The following MTOR variants were observed in gnomAD, a reference collection of about 807,000 sequenced individuals.
The protein encoded by MTOR is mechanistic target of rapamycin kinase.
MTOR carries 70 observed loss-of-function variants against 319.8 expected under a neutral mutation model. The observed-to-expected ratio is 0.22, with a 90% confidence interval of 0.18 to 0.27. The LOEUF is 0.27. MTOR is among the 10% of genes least tolerant of loss of function. MTOR has a pLI of 1.00. For missense variants in MTOR, 1,890 were observed against 3,274.4 expected, an observed-to-expected ratio of 0.58 and a Z score of 10.32; for synonymous variants, 1,183 against 1,211.4, an observed-to-expected ratio of 0.98 and a Z score of 0.49.
intron 28 of MTOR, among the ~76,000 whole-genome samples, chr1:11,169,490 G>A (rs1644745374): frequency 6.6e-6 from 1 of 152,214 alleles, no homozygotes. Flanking sequence ...GGAGTCAGAA[G>A]ATGGGGTTTT....
chr1:11,235,026 T>C (rs549150153), intron 13 of MTOR, among the ~76,000 whole-genome samples: 1 of 152,324 alleles, frequency 6.6e-6, no homozygotes, highest in South Asian at 2.1e-4. Context: ...AATTTAACAT[T>C]ACATTTTGTC....
intron 19 of MTOR, among the ~76,000 whole-genome samples, chr1:11,223,354 T>C (rs1307236820): frequency 4.6e-5 from 7 of 152,152 alleles, no homozygotes; most frequent in Admixed American, 2.6e-4. Flanking sequence ...AAGAAATGAT[T>C]GTTAGCTTTG....
chr1:11,110,913 T>C (rs1475433655), intron 54 of MTOR, among the ~76,000 whole-genome samples: 1 of 152,138 alleles, frequency 6.6e-6, no homozygotes, highest in East Asian at 1.9e-4. Context: ...AGTTCCCTTC[T>C]GTATGCTACA....
At position 11,192,680 on chromosome 1, in the gene MTOR, G is replaced by A. The variant is rs568962844; in HGVS notation, c.4253+6578C>T. Among the ~76,000 whole-genome samples, 3 of 150,416 alleles carry A rather than the reference G, an allele frequency of 2.0e-5. No homozygotes were observed. In the South Asian group the frequency reaches 6.3e-4, roughly 32 times the overall value. On this transcript the variant is annotated intron_variant, in intron 28 of 57. Transcript: ENST00000361445. ...GGATTGCTTGAACTCAGGAGGCAGA[G>A]GTTGCAGTGAGCCGAGATCACGCCA...
In MTOR at chr1:11,107,324, G is replaced by A. The variant is rs1641626424; in HGVS notation, c.*161C>T. ...TATATTCTTCAACAGCAGCTAGAAAGTTGGTTCAAACCAACTTTTAATATA... is the reference window on the plus strand; with the variant it reads ...TATATTCTTCAACAGCAGCTAGAAAATTGGTTCAAACCAACTTTTAATATA... On this transcript the variant is annotated 3_prime_UTR_variant, in exon 58 of 58. Coordinates refer to ENST00000361445, the MANE Select transcript of MTOR (RefSeq NM_004958.4). 1.0e-5 allele frequency: 15 copies of A among 1,504,426 alleles called. No individual in the cohort carries two copies. Among genetic ancestry groups the A allele is most frequent in the Non-Finnish European group, 1.3e-5 (15 of 1,130,036 alleles). 93.2% of individuals were successfully genotyped at this position (1,504,426 alleles called of 1,614,324 possible).
chr1:11,230,340 A>G (rs1646975976), intron 18 of MTOR, among the ~76,000 whole-genome samples: 1 of 152,134 alleles, frequency 6.6e-6, no homozygotes, highest in Admixed American at 6.6e-5. Context: ...GAATTGCTTG[A>G]ACTCGGGAGG....
At chr1:11,144,859 G>C in intron 33 of MTOR, 104 bp from the exon 34 acceptor site, 3 of 1,508,442 alleles carry the variant, frequency 2.0e-6, no homozygotes, top group Admixed American at 1.7e-5. Context: ...CTGCCGATCA[G>C]AGAAAACAGG....
chr1:11,228,227 C>T (rs941636806), intron 19 of MTOR, among the ~76,000 whole-genome samples: 2 of 151,734 alleles, frequency 1.3e-5, no homozygotes, highest in African/African-American at 2.4e-5. Context: ...CTCACTCTGT[C>T]GTCCAAGCTG....
intron 36 of MTOR, among the ~76,000 whole-genome samples, chr1:11,138,044 G>A (rs1316830349): frequency 6.6e-6 from 1 of 152,152 alleles, no homozygotes; most frequent in East Asian, 1.9e-4. Context: ...ACAGAATTTG[G>A]GCTACTAAGA....
chr1:11,224,705 A>G (rs1646775127), intron 19 of MTOR, among the ~76,000 whole-genome samples: 2 of 152,224 alleles, frequency 1.3e-5, no homozygotes, highest in South Asian at 4.1e-4. Flanking sequence ...AAAGAATCAT[A>G]AACACAATGC....
intron 26 of MTOR, among the ~76,000 whole-genome samples, chr1:11,202,785 G>A (rs1248654851): frequency 1.3e-5 from 2 of 152,094 alleles, no homozygotes; most frequent in African/African-American, 2.4e-5. Flanking sequence ...GTGCGTGTCT[G>A]CAGTCCCAGC....
At chr1:11,159,946 T>C (rs1644423519) in intron 29 of MTOR, among the ~76,000 whole-genome samples, 1 of 152,126 alleles carries the variant, frequency 6.6e-6, no homozygotes, top group South Asian at 2.1e-4. Context: ...GTTATCAAAA[T>C]GCCCTGCCAA....
At chr1:11,122,255 G>T in intron 47 of MTOR, 129 bp from the exon 48 acceptor site, 1 of 1,135,352 alleles carries the variant, frequency 8.8e-7, no homozygotes, top group Non-Finnish European at 1.2e-6. Context: ...CCAGGCTGGA[G>T]TGCAGTGGCA....
Position 11,133,537 on chromosome 1 carries a change from G to A in MTOR, c.5247-340C>T, listed in dbSNP as rs1277048190. Among the ~76,000 whole-genome samples, 1 of 152,044 alleles carries A rather than the reference G, an allele frequency of 6.6e-6. No homozygotes were observed. The highest frequency in any genetic ancestry group is 1.9e-4 in the East Asian group (1 of 5,186). ...TTACTTCTTTATTGATTGCTATATG[G>A]CTTCTCCCTTACTTTTCCCTTTGCC... On this transcript the variant is annotated intron_variant, in intron 37 of 57. Transcript: ENST00000361445. The surrounding 1 kb of genome is among the most constrained non-coding windows in gnomAD (Gnocchi z 4.0).
intron 19 of MTOR, among the ~76,000 whole-genome samples, chr1:11,225,154 T>TA (rs1646788826): frequency 6.6e-6 from 1 of 152,162 alleles, no homozygotes; most frequent in Non-Finnish European, 1.5e-5. Context: ...GTAAATATAT[T>TA]AAAAATCAAT....
At chr1:11,220,029 C>T (rs1409274035) in intron 19 of MTOR, among the ~76,000 whole-genome samples, 4 of 71,432 alleles carry the variant, frequency 5.6e-5, no homozygotes, top group Non-Finnish European at 1.0e-4. Flanking sequence ...GAGACTTGAT[C>T]TCAAAAAAAA....
chr1:11,193,721 G>A (rs376924013), intron 28 of MTOR: 139 of 1,614,148 alleles, frequency 8.6e-5, no homozygotes, highest in Middle Eastern at 3.3e-4. Context: ...GCTGGGGAAC[G>A]AACACATCCA....
At chr1:11,259,570 T>C in intron 1 of MTOR, 147 bp from the exon 2 acceptor site, 1 of 851,356 alleles carries the variant, frequency 1.2e-6, no homozygotes, top group Non-Finnish European at 1.7e-6. Flanking sequence ...TTGAGGAACA[T>C]TTAGAAAGCC....
At chr1:11,123,367 C>T (rs1642642551) in intron 47 of MTOR, among the ~76,000 whole-genome samples, 1 of 151,682 alleles carries the variant, frequency 6.6e-6, no homozygotes, top group Admixed American at 6.6e-5. Context: ...AGTGATTCTC[C>T]TGCCTCAGCC....
Sources: gnomAD v4.1 joint callset for allele counts (sites outside exome capture counted in the v4.1 genomes callset) on GRCh38, gnomAD v4.1.1 for gene constraint, Gnocchi (gnomAD v3.1) non-coding constraint, MANE v1.5 for transcripts, NCBI Gene and HGNC (gene_info 2026-07-23, HGNC 2026-07-21) for gene names.